Variants in GALNTL6 observed in about 807,000 individuals in gnomAD.
GALNTL6 encodes the protein polypeptide N-acetylgalactosaminyltransferase-like 6.
Under a neutral mutation model 73.7 loss-of-function variants are expected in GALNTL6, and 46 were observed. The observed-to-expected ratio is 0.62, with a 90% CI of 0.49 to 0.80. The LOEUF (loss-of-function observed/expected upper bound fraction) is 0.80. Among genes scored for constraint, GALNTL6 ranks in the 30% least tolerant of loss-of-function variants. The pLI is 0.00. For missense variants in GALNTL6, 604 were observed against 755.0 expected (o/e 0.80, Z 2.34); for synonymous variants, 259 against 263.7 (o/e 0.98, Z 0.17).
chr4:172,738,512 C>T (rs1041899487), intron 5 of GALNTL6, among the ~76,000 whole-genome samples: 1 of 152,100 alleles, frequency 6.6e-6, no homozygotes. Context: ...CTATACTCTA[C>T]TCAAAAGGTA....
intron 5 of GALNTL6, among the ~76,000 whole-genome samples, chr4:172,609,529 C>T (rs1449275346): frequency 1.3e-5 from 2 of 151,316 alleles, no homozygotes; most frequent in African/African-American, 2.4e-5. Context: ...TGATGTGCTG[C>T]CAGATTCAGT....
intron 2 of GALNTL6, among the ~76,000 whole-genome samples, chr4:171,878,288 A>G (rs1405185456): frequency 2.0e-5 from 3 of 152,196 alleles, no homozygotes; most frequent in Non-Finnish European, 4.4e-5. Flanking sequence ...GTAAACCAGG[A>G]CAAATAGTAA....
chr4:172,289,190 G>C (rs115924374), intron 3 of GALNTL6, among the ~76,000 whole-genome samples: 1 of 152,102 alleles, frequency 6.6e-6, no homozygotes, highest in Non-Finnish European at 1.5e-5. Flanking sequence ...AAAATTAATT[G>C]TAAAGAAGTA....
At chr4:172,626,201 T>C (rs1195829576) in intron 5 of GALNTL6, among the ~76,000 whole-genome samples, 2 of 152,096 alleles carry the variant, frequency 1.3e-5, no homozygotes, top group Non-Finnish European at 2.9e-5. Context: ...TTATGTATGA[T>C]GAAACGTAGG....
chr4:172,690,735 C>T (rs1733229943), intron 5 of GALNTL6, among the ~76,000 whole-genome samples: 1 of 152,218 alleles, frequency 6.6e-6, no homozygotes, highest in Non-Finnish European at 1.5e-5. Context: ...ATATTATTTG[C>T]ATATCTCTCA....
intron 8 of GALNTL6, among the ~76,000 whole-genome samples, chr4:172,914,942 A>G (rs1747421438): frequency 6.6e-6 from 1 of 152,254 alleles, no homozygotes; most frequent in South Asian, 2.1e-4. Context: ...TCAACAGAAT[A>G]TACATTCTTC....
At chr4:172,493,000 A>G (rs546682614) in intron 5 of GALNTL6, among the ~76,000 whole-genome samples, 3 of 152,304 alleles carry the variant, frequency 2.0e-5, no homozygotes, top group South Asian at 4.1e-4. Flanking sequence ...AGTCAAAGAC[A>G]CATATCTAAC....
At chr4:172,487,462 T>C (rs1733738194) in intron 5 of GALNTL6, among the ~76,000 whole-genome samples, 1 of 151,768 alleles carries the variant, frequency 6.6e-6, no homozygotes, top group Admixed American at 6.6e-5. Flanking sequence ...CTTGGCTCAC[T>C]GCCTACCTCC....
chr4:172,812,102 A>G (rs1346397760), intron 6 of GALNTL6, among the ~76,000 whole-genome samples: 1 of 152,170 alleles, frequency 6.6e-6, no homozygotes, highest in Non-Finnish European at 1.5e-5. Flanking sequence ...GGAAAGGCAT[A>G]TAGACCGAGA....
intron 5 of GALNTL6, among the ~76,000 whole-genome samples, chr4:172,495,555 C>G (rs1387053319): frequency 2.0e-5 from 3 of 152,154 alleles, no homozygotes; most frequent in African/African-American, 7.2e-5. Flanking sequence ...CTCCAGAGGA[C>G]AATGGTGTCC....
At chr4:172,147,562 T>C (rs529904615) in intron 2 of GALNTL6, among the ~76,000 whole-genome samples, 2 of 152,346 alleles carry the variant, frequency 1.3e-5, no homozygotes, top group African/African-American at 4.8e-5. Context: ...CATCTTTCCC[T>C]GAGAGGTGCC....
chr4:171,972,501 C>G (rs903929295), intron 2 of GALNTL6, among the ~76,000 whole-genome samples: 9 of 151,852 alleles, frequency 5.9e-5, no homozygotes, highest in Non-Finnish European at 1.3e-4. Flanking sequence ...GAAAAGAGAG[C>G]CTGTGGGTCA....
chr4:172,489,059 A>G (rs926699702), intron 5 of GALNTL6, among the ~76,000 whole-genome samples: 1 of 152,206 alleles, frequency 6.6e-6, no homozygotes, highest in Admixed American at 6.5e-5. Context: ...GCCAGTTCGC[A>G]TTTATACTCA....
At chr4:172,384,064 GTTTTC>G (rs1427566896) in intron 5 of GALNTL6, among the ~76,000 whole-genome samples, 1 of 152,034 alleles carries the variant, frequency 6.6e-6, no homozygotes, top group Non-Finnish European at 1.5e-5. Context: ...TTAATGTATA[GTTTTC>G]TTTTCTTGTG....
At chr4:172,322,302 T>C (rs182892084) in intron 4 of GALNTL6, among the ~76,000 whole-genome samples, 2 of 152,172 alleles carry the variant, frequency 1.3e-5, no homozygotes, top group Admixed American at 1.3e-4. Flanking sequence ...AAAACTTGCC[T>C]TGGTCTTTCA....
intron 4 of GALNTL6, among the ~76,000 whole-genome samples, chr4:172,322,612 T>C (rs940516028): frequency 1.3e-5 from 2 of 152,070 alleles, no homozygotes; most frequent in Non-Finnish European, 2.9e-5. Flanking sequence ...GCAGGCAATT[T>C]CTTCATGGTA....
intron 5 of GALNTL6, among the ~76,000 whole-genome samples, chr4:172,758,911 CAAT>C (rs1737907651): frequency 6.6e-6 from 1 of 152,144 alleles, no homozygotes; most frequent in Non-Finnish European, 1.5e-5. Context: ...CATGCGAGGA[CAAT>C]AAAAGTCCCA....
chr4:171,823,556 AAT>A (rs543069066), intron 2 of GALNTL6, among the ~76,000 whole-genome samples: 6 of 133,574 alleles, frequency 4.5e-5, no homozygotes, highest in Admixed American at 9.3e-5. Flanking sequence ...ATAAACTGTG[AAT>A]ATATATATAT....
chr4:172,321,811 C>A (rs1483003848), intron 4 of GALNTL6, among the ~76,000 whole-genome samples: 3 of 152,068 alleles, frequency 2.0e-5, no homozygotes, highest in Non-Finnish European at 4.4e-5. Flanking sequence ...TGTCAGGCAA[C>A]CATCATGTGA....
Sources: gnomAD v4.1 joint callset for allele counts (sites outside exome capture counted in the v4.1 genomes callset) on GRCh38, gnomAD v4.1.1 for gene constraint, MANE v1.5 for transcripts, NCBI Gene and HGNC (gene_info 2026-07-23, HGNC 2026-07-21) for gene names.